STXBP5L: variants seen among roughly 807,000 people sequenced by gnomAD.
STXBP5L encodes syntaxin-binding protein 5-like.
A neutral mutation model predicts 144.5 loss-of-function variants in STXBP5L; 65 were observed. That is an observed-to-expected ratio of 0.45 (90% confidence interval 0.37 to 0.55). The LOEUF is 0.55. STXBP5L is among the 20% of genes least tolerant of loss of function. STXBP5L has a pLI of 0.00. For synonymous variants in STXBP5L, 505 were observed against 469.6 expected (o/e 1.08, Z -0.97); for missense variants, 1,298 against 1,405.5 (o/e 0.92, Z 1.22).
chr3:121,094,916 G>T (rs2043033609), intron 5 of STXBP5L, among the ~76,000 whole-genome samples: 1 of 152,094 alleles, frequency 6.6e-6, no homozygotes, highest in South Asian at 2.1e-4. Context: ...GGTACTGGTT[G>T]TTCCTCTCCA....
At chr3:121,044,931 A>C (rs901189499) in intron 4 of STXBP5L, among the ~76,000 whole-genome samples, 1 of 152,170 alleles carries the variant, frequency 6.6e-6, no homozygotes, top group Non-Finnish European at 1.5e-5. Context: ...TTCTTGGACT[A>C]TAAGAAGCAA....
Position 121,269,664 on chromosome 3 carries a change from G to T in STXBP5L, c.1959-10141G>T, listed in dbSNP as rs532387131. On this transcript the variant is annotated intron_variant, in intron 18 of 26. Transcript: ENST00000471454. The stretch of plus-strand genomic sequence containing the variant: ...TCTTATGTAGGTCTGCTGGTGAACT[G>T]CCCATTTATCTTTACTCTGGAACAT... 2.0e-5 allele frequency among the ~76,000 whole-genome samples: 3 copies of T among 152,232 alleles called. No homozygotes were observed. In the East Asian group the frequency reaches 5.8e-4, roughly 29 times the overall value.
chr3:121,345,208 A>G (rs184864139), intron 20 of STXBP5L, among the ~76,000 whole-genome samples: 9 of 152,060 alleles, frequency 5.9e-5, no homozygotes, highest in Middle Eastern at 6.8e-3. Flanking sequence ...CTCACCCTGT[A>G]TCCAAGTGAT....
intron 5 of STXBP5L, among the ~76,000 whole-genome samples, chr3:121,064,405 C>T (rs1160114669): frequency 6.6e-6 from 1 of 152,032 alleles, no homozygotes; most frequent in Non-Finnish European, 1.5e-5. Flanking sequence ...CAGACCGGAG[C>T]TGTTCCTATT....
At position 121,251,450 on chromosome 3, in the gene STXBP5L, A is replaced by T. The variant is rs971824046; in HGVS notation, c.1441+687A>T. Among the ~76,000 whole-genome samples the T allele has an allele frequency of 6.6e-5, 10 of 152,300 alleles. 1 individual carries two copies. The highest frequency in any genetic ancestry group is 4.1e-4 in the South Asian group (2 of 4,822). ...TATTGAGACCTGGTAGATCCAGGAA[A>T]GGTATTTTGATGGAGTTAACATTTA... On this transcript the variant is annotated intron_variant, in intron 15 of 26. Coordinates refer to ENST00000471454, the MANE Select transcript of STXBP5L (RefSeq NM_001308330.2).
At chr3:120,943,466 A>G (rs1710672919) in intron 2 of STXBP5L, among the ~76,000 whole-genome samples, 1 of 150,408 alleles carries the variant, frequency 6.6e-6, no homozygotes, top group African/African-American at 2.5e-5. Context: ...AAGGAAAAGG[A>G]TAAAATAAGT....
At chr3:121,360,830 C>T (rs757816151) in intron 20 of STXBP5L, among the ~76,000 whole-genome samples, 1 of 152,102 alleles carries the variant, frequency 6.6e-6, no homozygotes, top group Non-Finnish European at 1.5e-5. Context: ...TTACACACCA[C>T]AGTTACAGTG....
At chr3:121,286,938 C>G (rs1211831494) in intron 19 of STXBP5L, among the ~76,000 whole-genome samples, 1 of 152,044 alleles carries the variant, frequency 6.6e-6, no homozygotes, top group Non-Finnish European at 1.5e-5. Context: ...CAGGAGGAAA[C>G]CACTGAGCTT....
intron 3 of STXBP5L, among the ~76,000 whole-genome samples, chr3:120,999,628 G>A (rs972304817): frequency 2.0e-5 from 3 of 150,620 alleles, no homozygotes; most frequent in African/African-American, 7.3e-5. Flanking sequence ...GTTAGCTGGG[G>A]TTTTTTTTTG....
At chr3:121,121,995 T>C (rs2044488544) in intron 7 of STXBP5L, among the ~76,000 whole-genome samples, 1 of 151,076 alleles carries the variant, frequency 6.6e-6, no homozygotes, top group Non-Finnish European at 1.5e-5. Flanking sequence ...TACTCTATGC[T>C]TGAATTTAAT....
At chr3:121,205,734 G>T (rs944013728) in intron 9 of STXBP5L, among the ~76,000 whole-genome samples, 189 bp from the exon 10 acceptor site, 1 of 152,042 alleles carries the variant, frequency 6.6e-6, no homozygotes, top group African/African-American at 2.4e-5. Flanking sequence ...GACAATTATT[G>T]CAACTCTAAA....
rs142769875 is a variant in STXBP5L at position 121,423,828 on chromosome 3, G to A, written c.*4731G>A. The A allele has an allele frequency of 5.9e-5, 9 of 152,296 alleles. No individual in the cohort carries two copies. In the East Asian group the frequency reaches 1.7e-3, roughly 29 times the overall value. The allele number at this position is 152,296 out of a possible 1,614,324, so 9.4% of individuals were successfully genotyped here. A position where few individuals can be genotyped will look rare whatever the true frequency, so the allele number is the denominator to read the frequency against. ...AGGCAAGATGTAAGATATAGTAATG[G>A]TATTTATTCTGTATGTCTCACAGAA... On this transcript the variant is annotated 3_prime_UTR_variant, in exon 27 of 27. Transcript: ENST00000471454.
chr3:121,043,512 C>T (rs1325315169), intron 4 of STXBP5L, among the ~76,000 whole-genome samples: 1 of 152,068 alleles, frequency 6.6e-6, no homozygotes, highest in African/African-American at 2.4e-5. Flanking sequence ...AGATCAAGAC[C>T]ATCCTGGCCA....
chr3:121,083,326 T>G (rs13327223), intron 5 of STXBP5L, among the ~76,000 whole-genome samples: 77,660 of 152,000 alleles, frequency 0.51, 20,296 homozygotes, highest in Admixed American at 0.6. Context: ...TTTATAAATT[T>G]GAACGTTTTC....
intron 22 of STXBP5L, among the ~76,000 whole-genome samples, chr3:121,398,837 G>T (rs1476961701): frequency 1.3e-5 from 2 of 152,144 alleles, no homozygotes; most frequent in Admixed American, 1.3e-4. Flanking sequence ...TTTCCCTGCT[G>T]ATCTGGGGGC....
chr3:121,182,856 G>A (rs2047216468), intron 9 of STXBP5L, among the ~76,000 whole-genome samples: 1 of 152,014 alleles, frequency 6.6e-6, no homozygotes. Flanking sequence ...ATCATTCAAG[G>A]CTACTATTAA....
chr3:121,075,557 A>G (rs2041983932), intron 5 of STXBP5L, among the ~76,000 whole-genome samples: 1 of 152,212 alleles, frequency 6.6e-6, no homozygotes, highest in Non-Finnish European at 1.5e-5. Context: ...GTCTTCTTGC[A>G]CCTGGCTTAC....
intron 22 of STXBP5L, among the ~76,000 whole-genome samples, chr3:121,402,885 A>T (rs1041258337): frequency 6.6e-6 from 1 of 152,072 alleles, no homozygotes; most frequent in African/African-American, 2.4e-5. Flanking sequence ...GCTGTAGTGC[A>T]ATGGTGCAAT....
chr3:121,386,759 A>G (rs943693858), intron 22 of STXBP5L, among the ~76,000 whole-genome samples: 6 of 152,136 alleles, frequency 3.9e-5, no homozygotes, highest in Non-Finnish European at 8.8e-5. Context: ...GCTGCGTAGT[A>G]TTACATGGTA....
Sources: gnomAD v4.1 joint callset for allele counts (sites outside exome capture counted in the v4.1 genomes callset) on GRCh38, gnomAD v4.1.1 for gene constraint, MANE v1.5 for transcripts, NCBI Gene and HGNC (gene_info 2026-07-23, HGNC 2026-07-21) for gene names.